RANBP2: variants seen among roughly 807,000 people sequenced by gnomAD.
RANBP2 encodes RAN binding protein 2, also known as E3 SUMO-protein ligase RanBP2.
A neutral mutation model predicts 303.6 loss-of-function variants in RANBP2; 57 were observed. The observed-to-expected ratio is 0.19, with a 90% CI of 0.15 to 0.23. The LOEUF (loss-of-function observed/expected upper bound fraction) is 0.23. Ranked by LOEUF, RANBP2 falls within the 10% of genes least tolerant of loss-of-function variation. The pLI, the probability that RANBP2 is intolerant of heterozygous loss-of-function variation, is 1.00. For synonymous variants in RANBP2, 1,167 were observed against 1,301.5 expected (o/e 0.90, Z 2.23); for missense variants, 3,138 against 3,780.8 (o/e 0.83, Z 4.46).
chr2:108,851,061 A>C, the RANBP2 span, among the ~76,000 whole-genome samples: 1 of 152,128 alleles, frequency 6.6e-6, no homozygotes, highest in African/African-American at 2.4e-5. Context: ...GGGTTCCTAC[A>C]ACCCCCTCTT....
At chr2:109,497,724 G>A in the RANBP2 span, among the ~76,000 whole-genome samples, 1 of 152,190 alleles carries the variant, frequency 6.6e-6, no homozygotes, top group South Asian at 2.1e-4. Flanking sequence ...CACTTGTCTC[G>A]TATAAATTCA....
At chr2:109,117,736 T>TGGGAGCTGTAGAC in the RANBP2 span, among the ~76,000 whole-genome samples, 31,704 of 151,866 alleles carry the variant, frequency 0.21, 4,725 homozygotes, top group East Asian at 0.64. Flanking sequence ...TCGCTCACGT[T>TGGGAGCTGTAGAC]GGGAGCTGTA....
At chr2:108,862,590 A>G in the RANBP2 span, among the ~76,000 whole-genome samples, 1 of 152,176 alleles carries the variant, frequency 6.6e-6, no homozygotes, top group African/African-American at 2.4e-5. Context: ...GAGGTAATGG[A>G]TATGTTATTT....
the RANBP2 span, among the ~76,000 whole-genome samples, chr2:109,275,578 A>G: frequency 6.6e-6 from 1 of 152,170 alleles, no homozygotes; most frequent in Non-Finnish European, 1.5e-5. Context: ...CACTCAAAAG[A>G]GTGCCCCGCA....
At chr2:109,196,930 C>T in the RANBP2 span, among the ~76,000 whole-genome samples, 4 of 152,152 alleles carry the variant, frequency 2.6e-5, no homozygotes, top group Non-Finnish European at 5.9e-5. Flanking sequence ...CTGAGTAGTG[C>T]GAAGGCTTCC....
chr2:108,739,124 G>A (rs907193452), intron 6 of RANBP2, among the ~76,000 whole-genome samples: 2 of 151,760 alleles, frequency 1.3e-5, no homozygotes, highest in African/African-American at 4.8e-5. Flanking sequence ...TCAGCTCAGC[G>A]GGGCGCGGTG....
chr2:109,313,973 G>T, the RANBP2 span, among the ~76,000 whole-genome samples: 11 of 152,194 alleles, frequency 7.2e-5, no homozygotes, highest in Non-Finnish European at 1.5e-4. Context: ...ACAGTTGAAG[G>T]CTTTGGAACT....
At chr2:109,111,110 T>G in the RANBP2 span, among the ~76,000 whole-genome samples, 727 of 152,298 alleles carry the variant, frequency 4.8e-3, 4 homozygotes, top group Middle Eastern at 0.01. Context: ...GAACATCTCA[T>G]GCTGAAAGTC....
At chr2:109,329,307 A>G in the RANBP2 span, among the ~76,000 whole-genome samples, 1 of 152,218 alleles carries the variant, frequency 6.6e-6, no homozygotes. Context: ...AGATGTGGAA[A>G]AAAACACAAC....
At chr2:109,185,874 A>G in the RANBP2 span, among the ~76,000 whole-genome samples, 1 of 152,340 alleles carries the variant, frequency 6.6e-6, no homozygotes, top group East Asian at 1.9e-4. Flanking sequence ...GTGCCTGTCA[A>G]AGGGGCCAAG....
the RANBP2 span, among the ~76,000 whole-genome samples, chr2:109,567,597 G>C: frequency 6.6e-6 from 1 of 152,148 alleles, no homozygotes; most frequent in Admixed American, 6.5e-5. Flanking sequence ...TTTGGTGAAA[G>C]CAGAGTGAAA....
chr2:109,149,678 G>A, the RANBP2 span, among the ~76,000 whole-genome samples: 1,198 of 152,298 alleles, frequency 7.9e-3, 12 homozygotes, highest in African/African-American at 0.027. Flanking sequence ...CAGCAGCAAC[G>A]TTGCAGAGAG....
At chr2:109,719,145 G>A in the RANBP2 span, among the ~76,000 whole-genome samples, 76 of 139,130 alleles carry the variant, frequency 5.5e-4, 2 homozygotes, top group Admixed American at 5.6e-3. Context: ...TGCCCAGGCT[G>A]GAGTGCAATG....
chr2:109,253,117 T>C, the RANBP2 span, among the ~76,000 whole-genome samples: 1 of 152,164 alleles, frequency 6.6e-6, no homozygotes, highest in Non-Finnish European at 1.5e-5. Context: ...AACCTCCACC[T>C]CACGAGTTCA....
chr2:109,144,041 C>T, the RANBP2 span, among the ~76,000 whole-genome samples: 4 of 152,030 alleles, frequency 2.6e-5, no homozygotes, highest in African/African-American at 9.7e-5. Context: ...GGTTACGAGG[C>T]GCCGGAAGTG....
chr2:109,679,985 C>T, the RANBP2 span, among the ~76,000 whole-genome samples: 7 of 151,754 alleles, frequency 4.6e-5, no homozygotes, highest in South Asian at 2.1e-4. Flanking sequence ...TTGTATGCTT[C>T]GTGAAAGACA....
At chr2:109,046,334 G>C in the RANBP2 span, among the ~76,000 whole-genome samples, 2 of 148,718 alleles carry the variant, frequency 1.3e-5, no homozygotes, top group Admixed American at 6.7e-5. Flanking sequence ...AATCTGAAAG[G>C]ATTTTGGTTT....
At chr2:109,097,202 G>C in the RANBP2 span, among the ~76,000 whole-genome samples, 1 of 152,122 alleles carries the variant, frequency 6.6e-6, no homozygotes, top group Non-Finnish European at 1.5e-5. Context: ...TACTTGGTAG[G>C]CTGAGGCAGG....
At chr2:109,275,566 A>G in the RANBP2 span, among the ~76,000 whole-genome samples, 2 of 152,178 alleles carry the variant, frequency 1.3e-5, no homozygotes, top group Non-Finnish European at 2.9e-5. Context: ...TTGGCTGATG[A>G]GCACTCAAAA....
Sources: gnomAD v4.1 joint callset for allele counts (sites outside exome capture counted in the v4.1 genomes callset) on GRCh38, gnomAD v4.1.1 for gene constraint, MANE v1.5 for transcripts, NCBI Gene and HGNC (gene_info 2026-07-23, HGNC 2026-07-21) for gene names.